WWOX: variants seen among roughly 807,000 people sequenced by gnomAD.
WWOX encodes WW domain containing oxidoreductase, also known as WW domain-containing oxidoreductase.
In WWOX, 69 loss-of-function variants were observed where a neutral mutation model predicts 46.2. The ratio of observed to expected loss-of-function variants is 1.49; its 90% CI spans 1.23 to 1.82. The LOEUF (loss-of-function observed/expected upper bound fraction) is 1.82. WWOX is among the 40% of genes most tolerant of loss of function. The pLI is 0.00. For missense variants in WWOX, 919 were observed against 542.6 expected, an observed-to-expected ratio of 1.69 and a Z score of -6.89; for synonymous variants, 359 against 202.6, an observed-to-expected ratio of 1.77 and a Z score of -6.56.
At chr16:78,119,574 T>C (rs139721422) in intron 4 of WWOX, among the ~76,000 whole-genome samples, 1 of 152,168 alleles carries the variant, frequency 6.6e-6, no homozygotes, top group South Asian at 2.1e-4. Flanking sequence ...GCAGACAGAT[T>C]TATTATCATA....
chr16:79,101,929 G>T (rs186582603), intron 8 of WWOX, among the ~76,000 whole-genome samples: 257 of 150,584 alleles, frequency 1.7e-3, no homozygotes, highest in African/African-American at 5.8e-3. Context: ...AGATCCATGA[G>T]ATCCAAGCTA....
intron 8 of WWOX, among the ~76,000 whole-genome samples, chr16:78,831,947 C>T (rs962091957): frequency 5.3e-5 from 8 of 152,166 alleles, no homozygotes; most frequent in African/African-American, 1.9e-4. Flanking sequence ...TTGGTGATAA[C>T]TACCTGTGTT....
chr16:78,722,781 C>T (rs1321627690), intron 8 of WWOX, among the ~76,000 whole-genome samples: 1 of 145,582 alleles, frequency 6.9e-6, no homozygotes, highest in Middle Eastern at 3.5e-3. Flanking sequence ...TGGCTCATGG[C>T]TGTAATCTCA....
intron 8 of WWOX, among the ~76,000 whole-genome samples, chr16:78,626,349 C>T (rs533824360): frequency 6.6e-6 from 1 of 152,170 alleles, no homozygotes; most frequent in Non-Finnish European, 1.5e-5. Context: ...TTAGCATCTT[C>T]TTGGCTGTGA....
intron 8 of WWOX, among the ~76,000 whole-genome samples, chr16:79,014,253 C>G (rs371719480): frequency 1.3e-5 from 2 of 152,124 alleles, no homozygotes; most frequent in Non-Finnish European, 2.9e-5. Flanking sequence ...GTGGTTATGA[C>G]GCATGGGACG....
chr16:78,463,561 A>T (rs1483834132), intron 8 of WWOX, among the ~76,000 whole-genome samples: 4 of 152,202 alleles, frequency 2.6e-5, no homozygotes, highest in Non-Finnish European at 4.4e-5. Flanking sequence ...GCTTATCAGG[A>T]TGCATAGTAG....
chr16:78,473,932 C>T (rs1298797785), intron 8 of WWOX, among the ~76,000 whole-genome samples: 1 of 152,192 alleles, frequency 6.6e-6, no homozygotes, highest in Non-Finnish European at 1.5e-5. Context: ...AGTGGCCTCC[C>T]TTTCCCTGTT....
rs928192230 is a variant in WWOX at position 79,049,011 on chromosome 16, G to A, written c.1057-162597G>A. Among the ~76,000 whole-genome samples the A allele has an allele frequency of 2.0e-5, 3 of 152,224 alleles. No individual in the cohort carries two copies. The South Asian group carries it at 6.2e-4, about 32-fold the overall frequency. ...CAAATATGCAATGAGAATCCCTGAG[G>A]GACAGGCACTGTGCTAGATACCCGA... On this transcript the variant is annotated intron_variant, in intron 8 of 8. Coordinates refer to ENST00000566780, the MANE Select transcript of WWOX (RefSeq NM_016373.4).
chr16:78,455,612 C>T (rs1313433743), intron 8 of WWOX, among the ~76,000 whole-genome samples: 1 of 114,692 alleles, frequency 8.7e-6, no homozygotes, highest in Non-Finnish European at 1.6e-5. Flanking sequence ...CACTGCACTC[C>T]AGCCTGGGTT....
At chr16:78,613,207 G>A (rs996454191) in intron 8 of WWOX, among the ~76,000 whole-genome samples, 13 of 152,058 alleles carry the variant, frequency 8.5e-5, no homozygotes, top group African/African-American at 1.7e-4. Context: ...TCACATGAAC[G>A]TCTATGCCCA....
intron 5 of WWOX, among the ~76,000 whole-genome samples, chr16:78,189,966 T>A (rs1056055392): frequency 6.6e-6 from 1 of 152,202 alleles, no homozygotes; most frequent in African/African-American, 2.4e-5. Context: ...AAATCCTTCT[T>A]ACTTTTCCTC....
At chr16:78,805,656 A>G (rs746175206) in intron 8 of WWOX, among the ~76,000 whole-genome samples, 11 of 152,306 alleles carry the variant, frequency 7.2e-5, no homozygotes, top group African/African-American at 2.4e-4. Context: ...TAGATTAATC[A>G]CTGTTAAGAC....
At chr16:78,424,839 T>G in intron 6 of WWOX, 31 bp from the exon 7 acceptor site, 2 of 1,613,540 alleles carry the variant, frequency 1.2e-6, no homozygotes, top group Non-Finnish European at 1.7e-6. Flanking sequence ...AGTGTTTATG[T>G]CCACATCACA....
chr16:78,900,150 G>A (rs574954483), intron 8 of WWOX, among the ~76,000 whole-genome samples: 2 of 145,500 alleles, frequency 1.4e-5, no homozygotes, highest in South Asian at 4.4e-4. Context: ...GAAGGAGTCA[G>A]TAACAAACCG....
chr16:78,182,937 C>G (rs1188879472), intron 5 of WWOX, among the ~76,000 whole-genome samples: 5 of 129,462 alleles, frequency 3.9e-5, no homozygotes, highest in Admixed American at 2.7e-4. Flanking sequence ...GGTGACAGAG[C>G]GAGAATCTGT....
At chr16:78,653,268 A>C (rs542776779) in intron 8 of WWOX, among the ~76,000 whole-genome samples, 1 of 152,314 alleles carries the variant, frequency 6.6e-6, no homozygotes, top group East Asian at 1.9e-4. Context: ...ACCATTCCCT[A>C]GTGTTGGATA....
In WWOX at chr16:78,481,727, G is replaced by GTGTGTGTGTGTGTA. The variant is rs2084493250; in HGVS notation, c.1056+48988_1056+48989insATGTGTGTGTGTGT. Among the ~76,000 whole-genome samples, 9 of 116,684 alleles carry GTGTGTGTGTGTGTA rather than the reference G, an allele frequency of 7.7e-5. No individual in the cohort carries two copies. The South Asian group carries it at 3.2e-3, about 42-fold the overall frequency. The allele number at this position is 116,684 out of a possible 152,430, so 76.5% of individuals were successfully genotyped here. ...GACTTTTGCTCAGGGCAAGGGAAGT[G>GTGTGTGTGTGTGTA]TGTGTGTGTGTGTGTGTGTGTGTGT... On this transcript the variant is annotated intron_variant, in intron 8 of 8. Transcript: ENST00000566780.
intron 7 of WWOX, among the ~76,000 whole-genome samples, chr16:78,429,960 C>T (rs750153157): frequency 1.3e-5 from 2 of 152,258 alleles, no homozygotes; most frequent in East Asian, 3.9e-4. Flanking sequence ...GTATTGCAGA[C>T]TCCAGCACCA....
At chr16:78,766,265 C>G (rs948064585) in intron 8 of WWOX, among the ~76,000 whole-genome samples, 2 of 152,224 alleles carry the variant, frequency 1.3e-5, no homozygotes, top group African/African-American at 4.8e-5. Flanking sequence ...AAGCCTTGCT[C>G]TTCGTCATCT....
Sources: gnomAD v4.1 joint callset for allele counts (sites outside exome capture counted in the v4.1 genomes callset) on GRCh38, gnomAD v4.1.1 for gene constraint, MANE v1.5 for transcripts, NCBI Gene and HGNC (gene_info 2026-07-23, HGNC 2026-07-21) for gene names.